Variants in LMNTD1 observed in about 807,000 individuals in gnomAD.
LMNTD1 encodes lamin tail domain-containing protein 1.
A neutral mutation model predicts 50.9 loss-of-function variants in LMNTD1; 35 were observed. The ratio of observed to expected loss-of-function variants is 0.69; its 90% CI spans 0.53 to 0.91. The LOEUF (loss-of-function observed/expected upper bound fraction) is 0.91, where lower values mean the gene tolerates loss of function less well. Among genes scored for constraint, LMNTD1 ranks in the 40% least tolerant of loss-of-function variants. The pLI is 0.00. For missense variants in LMNTD1, 470 were observed against 475.5 expected (o/e 0.99, Z 0.11); for synonymous variants, 153 against 161.9 (o/e 0.94, Z 0.42).
Position 25,607,967 on chromosome 12 carries a change from C to G in LMNTD1, c.58+40527G>C, listed in dbSNP as rs577900679. Among the ~76,000 whole-genome samples, 10 of 152,296 alleles carry G rather than the reference C, an allele frequency of 6.6e-5. No individual in the cohort carries two copies. In the East Asian group the frequency reaches 1.7e-3, roughly 26 times the overall value. On this transcript the variant is annotated intron_variant, in intron 1 of 7. Coordinates refer to the LMNTD1 transcript ENST00000445693. ...TCTCCCATTATTATTGTGTGGGAGT[C>G]TAAGTCTCTTTGTAGGTCTCTCAGG...
chr12:25,540,104 G>A (rs9795838), intron 4 of LMNTD1, among the ~76,000 whole-genome samples: 42,699 of 71,312 alleles, frequency 0.6, 13,343 homozygotes, highest in Non-Finnish European at 0.67. Flanking sequence ...ACCAAAAAGA[G>A]TCCAGGACCA....
intron 9 of LMNTD1, among the ~76,000 whole-genome samples, chr12:25,489,710 T>C (rs1938823014): frequency 6.6e-6 from 1 of 152,050 alleles, no homozygotes. Flanking sequence ...TGTAATGAAA[T>C]TGCAAAAGAA....
At chr12:25,624,402 CTG>C (rs1946541401) in intron 1 of LMNTD1, among the ~76,000 whole-genome samples, 1 of 152,104 alleles carries the variant, frequency 6.6e-6, no homozygotes, top group Non-Finnish European at 1.5e-5. Flanking sequence ...CATTCCATAA[CTG>C]TGATATAGAG....
At chr12:25,506,197 C>T (rs918306619) in intron 8 of LMNTD1, among the ~76,000 whole-genome samples, 5 of 152,184 alleles carry the variant, frequency 3.3e-5, no homozygotes, top group Admixed American at 1.3e-4. Context: ...TTCATTCCTG[C>T]GTAAGGTTAT....
chr12:25,620,600 A>G (rs577988642), intron 1 of LMNTD1, among the ~76,000 whole-genome samples: 5 of 152,268 alleles, frequency 3.3e-5, no homozygotes, highest in Admixed American at 6.5e-5. Context: ...CCACGTGTCT[A>G]TGATCCAGGT....
intron 1 of LMNTD1, among the ~76,000 whole-genome samples, chr12:25,573,810 C>T (rs1024058528): frequency 1.3e-5 from 2 of 152,128 alleles, no homozygotes; most frequent in African/African-American, 4.8e-5. Context: ...AGTTAATCTT[C>T]ACCTACCACA....
intron 1 of LMNTD1, among the ~76,000 whole-genome samples, chr12:25,639,010 C>A (rs1296529746): frequency 6.6e-6 from 1 of 152,098 alleles, no homozygotes; most frequent in African/African-American, 2.4e-5. Flanking sequence ...AAAAATAATT[C>A]CTATATTCAT....
chr12:25,523,044 T>A (rs537031738), intron 6 of LMNTD1, among the ~76,000 whole-genome samples: 8 of 152,142 alleles, frequency 5.3e-5, no homozygotes, highest in Middle Eastern at 3.4e-3. Flanking sequence ...TTTATTTTTA[T>A]TTTTTTTCGA....
At chr12:25,572,412 A>G (rs950782733) in intron 1 of LMNTD1, among the ~76,000 whole-genome samples, 2 of 152,208 alleles carry the variant, frequency 1.3e-5, no homozygotes, top group African/African-American at 2.4e-5. Flanking sequence ...GAATGTTTTT[A>G]TATTCTTTCC....
At chr12:25,611,598 C>T (rs768952927) in intron 1 of LMNTD1, among the ~76,000 whole-genome samples, 1 of 152,104 alleles carries the variant, frequency 6.6e-6, no homozygotes, top group Non-Finnish European at 1.5e-5. Flanking sequence ...CAGTATATTG[C>T]CTTAAAGAAC....
chr12:25,502,037 T>G (rs917855594), intron 9 of LMNTD1, among the ~76,000 whole-genome samples: 2 of 152,128 alleles, frequency 1.3e-5, no homozygotes, highest in African/African-American at 4.8e-5. Context: ...GGTGGGCAGA[T>G]TTTTTTAAAA....
chr12:25,501,364 A>G (rs941243677), intron 9 of LMNTD1, among the ~76,000 whole-genome samples: 1 of 152,118 alleles, frequency 6.6e-6, no homozygotes, highest in African/African-American at 2.4e-5. Context: ...TAGAAGTAGA[A>G]CCTAAATCTT....
In LMNTD1 at chr12:25,479,464, TA is replaced by T. The variant is rs1938373693; in HGVS notation, c.*23-3005del. On this transcript the variant is annotated intron_variant, in intron 9 of 9. Coordinates refer to ENST00000458174, the MANE Select transcript of LMNTD1 (RefSeq NM_001145728.2). ...AGAACTTTGCCCTAGCCCTGCAAAG[TA>T]TTGTCATGTAGTTGGCATTGTGATT... 2.0e-5 allele frequency among the ~76,000 whole-genome samples: 3 copies of T among 152,202 alleles called. No individual in the cohort carries two copies. In the South Asian group the frequency reaches 6.2e-4, roughly 32 times the overall value.
rs1339700902 is a variant in LMNTD1, at chr12:25,619,311, C to G, written c.58+29183G>C. Reference sequence around the variant, plus strand: ...CTAACTAGTTTTCCAACTTTCTACTCCAAATAAAACAAAAAACAAAACCTA... The same window carrying G: ...CTAACTAGTTTTCCAACTTTCTACTGCAAATAAAACAAAAAACAAAACCTA... On this transcript the variant is annotated intron_variant, in intron 1 of 7. Coordinates refer to the LMNTD1 transcript ENST00000445693. Among the ~76,000 whole-genome samples, 23 of 147,978 alleles carry G rather than the reference C, an allele frequency of 1.6e-4. No individual in the cohort carries two copies. In the Admixed American group the frequency reaches 1.6e-3, roughly 10 times the overall value.
chr12:25,563,429 G>A (rs186467468), intron 1 of LMNTD1, among the ~76,000 whole-genome samples: 511 of 152,314 alleles, frequency 3.4e-3, no homozygotes, highest in African/African-American at 0.011. Context: ...CTGTTTGCCT[G>A]GGTATCACCA....
chr12:25,505,495 G>A (rs1160856318), intron 8 of LMNTD1, among the ~76,000 whole-genome samples: 1 of 152,070 alleles, frequency 6.6e-6, no homozygotes, highest in Non-Finnish European at 1.5e-5. Flanking sequence ...CACATAAACT[G>A]TTCTTACTTG....
At chr12:25,614,763 G>T (rs11837656) in intron 1 of LMNTD1, among the ~76,000 whole-genome samples, 3,486 of 152,266 alleles carry the variant, frequency 0.023, 108 homozygotes, top group African/African-American at 0.072. Flanking sequence ...AAGTATCACA[G>T]ACTGGGTGAC....
intron 3 of LMNTD1, chr12:25,547,238 G>A (rs1207664345): frequency 1.3e-5 from 12 of 932,526 alleles, no homozygotes; most frequent in African/African-American, 1.8e-5. Context: ...ACAAAGACGC[G>A]TCGTGATGAA....
rs766973379 is a variant in LMNTD1 at position 25,594,807 on chromosome 12, C to T, written c.59-48253G>A. Among the ~76,000 whole-genome samples, 3 of 152,090 alleles carry T rather than the reference C, an allele frequency of 2.0e-5. No homozygotes were observed. In the South Asian group the frequency reaches 6.2e-4, roughly 32 times the overall value. On this transcript the variant is annotated intron_variant, in intron 1 of 7. Transcript: ENST00000445693. ...GAATTGCAGAATGGATAAAAATTCACCAAACAACTATCTGCTGCCTTCAAG... is the reference window on the plus strand; with the variant it reads ...GAATTGCAGAATGGATAAAAATTCATCAAACAACTATCTGCTGCCTTCAAG...
Sources: gnomAD v4.1 joint callset for allele counts (sites outside exome capture counted in the v4.1 genomes callset) on GRCh38, gnomAD v4.1.1 for gene constraint, MANE v1.5 for transcripts, NCBI Gene and HGNC (gene_info 2026-07-23, HGNC 2026-07-21) for gene names.